Variants in GABRG3 observed in about 807,000 individuals in gnomAD.
GABRG3 encodes the protein gamma-aminobutyric acid type A receptor subunit gamma3.
In GABRG3, 25 loss-of-function variants were observed where a neutral mutation model predicts 48.8. That is an observed-to-expected ratio of 0.51 (90% confidence interval 0.37 to 0.72). The LOEUF (loss-of-function observed/expected upper bound fraction) is 0.72, where lower values mean the gene tolerates loss of function less well. GABRG3 is among the 30% of genes least tolerant of loss of function. The probability of loss-of-function intolerance (pLI) is 0.00; values close to 1 mark genes in which losing one functional copy is unlikely to be tolerated. For missense variants in GABRG3, 394 were observed against 577.9 expected (o/e 0.68, Z 3.26); for synonymous variants, 227 against 217.6 (o/e 1.04, Z -0.38).
intron 5 of GABRG3, among the ~76,000 whole-genome samples, chr15:27,423,659 C>T (rs1315204979): frequency 6.7e-6 from 1 of 149,736 alleles, no homozygotes; most frequent in Non-Finnish European, 1.5e-5. Flanking sequence ...GATTCTCCCA[C>T]TTCAGCCTCC....
chr15:27,165,082 GA>G (rs530237993), intron 3 of GABRG3, among the ~76,000 whole-genome samples: 2 of 151,980 alleles, frequency 1.3e-5, no homozygotes, highest in East Asian at 1.9e-4. Context: ...AGTGAAATTT[GA>G]AAAAAATATA....
rs138678473 is a variant in GABRG3 at position 27,168,676 on chromosome 15, G to A, written c.270+141855G>A. On this transcript the variant is annotated intron_variant, in intron 3 of 9. Transcript: ENST00000615808. The stretch of plus-strand genomic sequence containing the variant: ...TTATTTCCCTCAAAAAGAAACTTCA[G>A]AAAGACATCTTATCCCTTCCACTGT... Among the ~76,000 whole-genome samples, 51 of 152,322 alleles carry A rather than the reference G, an allele frequency of 3.3e-4. No homozygotes were observed. The East Asian group carries it at 7.0e-3, about 21-fold the overall frequency.
chr15:27,015,783 A>G (rs1895768347), intron 2 of GABRG3, among the ~76,000 whole-genome samples: 1 of 152,180 alleles, frequency 6.6e-6, no homozygotes, highest in South Asian at 2.1e-4. Flanking sequence ...ATTACATGAA[A>G]TATAACAATC....
In GABRG3 at chr15:27,469,516, T is replaced by G. The variant is rs146035505; in HGVS notation, c.575-11134T>G. Among the ~76,000 whole-genome samples, 736 of 152,200 alleles carry G rather than the reference T, an allele frequency of 4.8e-3. 6 individuals are homozygous for G. Among genetic ancestry groups the G allele is most frequent in the African/African-American group, 0.016 (673 of 41,522 alleles). On this transcript the variant is annotated intron_variant, in intron 5 of 9. Coordinates refer to ENST00000615808, the MANE Select transcript of GABRG3 (RefSeq NM_033223.5). ...CCACCACACCGGACTAATTTTTGTA[T>G]TTTTAGTAGAGATGTGGTTTTACCA...
At chr15:27,463,158 G>C (rs1414617151) in intron 5 of GABRG3, among the ~76,000 whole-genome samples, 2 of 151,940 alleles carry the variant, frequency 1.3e-5, no homozygotes, top group Non-Finnish European at 2.9e-5. Context: ...GATTTTATTT[G>C]AATTACAAAC....
Position 27,027,663 on chromosome 15 carries a change from G to C in GABRG3, c.270+842G>C, listed in dbSNP as rs550785940. 2.0e-5 allele frequency among the ~76,000 whole-genome samples: 3 copies of C among 152,234 alleles called. No individual in the cohort carries two copies. The South Asian group carries it at 6.2e-4, about 32-fold the overall frequency. ...TGGTGATATAAGGGTTCCATGCAGG[G>C]GTAAAGTTATATTTGTGGGTGATTC... is the stretch of plus-strand genomic sequence containing the variant. On this transcript the variant is annotated intron_variant, in intron 3 of 9. Transcript: ENST00000615808.
At chr15:27,190,050 C>T (rs1029476117) in intron 3 of GABRG3, among the ~76,000 whole-genome samples, 1 of 152,140 alleles carries the variant, frequency 6.6e-6, no homozygotes, top group Non-Finnish European at 1.5e-5. Flanking sequence ...GTATATTGAA[C>T]CAGCCTTGCA....
At chr15:27,461,371 G>A (rs921582856) in intron 5 of GABRG3, among the ~76,000 whole-genome samples, 2 of 152,096 alleles carry the variant, frequency 1.3e-5, no homozygotes, top group African/African-American at 2.4e-5. Flanking sequence ...GCTGCATTCC[G>A]TGCCATTGTG....
intron 5 of GABRG3, among the ~76,000 whole-genome samples, chr15:27,453,938 C>T (rs1889186025): frequency 6.6e-6 from 1 of 152,164 alleles, no homozygotes; most frequent in Admixed American, 6.5e-5. Context: ...CCTTGTCCAG[C>T]ATTCCCATTG....
chr15:27,274,244 A>C (rs1442090239), intron 3 of GABRG3, among the ~76,000 whole-genome samples: 1 of 152,042 alleles, frequency 6.6e-6, no homozygotes, highest in Non-Finnish European at 1.5e-5. Context: ...CTACCCAAAG[A>C]CTGTGGTATT....
At chr15:27,527,379 G>T (rs576009445) in intron 7 of GABRG3, 54 bp from the exon 8 acceptor site, 2 of 1,548,900 alleles carry the variant, frequency 1.3e-6, no homozygotes, top group African/African-American at 1.4e-5. Context: ...GACCGTCTGG[G>T]ATTCCTGTTG....
rs1436105693 is a variant in GABRG3, at chr15:26,974,946, T to C, written c.54-2056T>C. On this transcript the variant is annotated intron_variant, in intron 1 of 9. Coordinates refer to ENST00000615808, the MANE Select transcript of GABRG3 (RefSeq NM_033223.5). This position sits in a 1 kb window ranked among gnomAD's most constrained non-coding sequence, Gnocchi z 4.3. ...TGGAGTGCAGTGACACTATCTCGGC[T>C]CACTGCAACCTCTGCCTCCTGGGTT... Among the ~76,000 whole-genome samples the C allele has an allele frequency of 6.6e-6, 1 of 151,226 alleles. No homozygotes were observed. The highest frequency in any genetic ancestry group is 2.4e-5 in the African/African-American group (1 of 41,234).
At chr15:27,303,753 T>A (rs769508406) in intron 3 of GABRG3, among the ~76,000 whole-genome samples, 1 of 149,226 alleles carries the variant, frequency 6.7e-6, no homozygotes, top group South Asian at 2.1e-4. Context: ...TCCGTGTGTG[T>A]ATATATATAT....
At chr15:27,388,288 GAA>G (rs1896077531) in intron 5 of GABRG3, among the ~76,000 whole-genome samples, 1 of 49,200 alleles carries the variant, frequency 2.0e-5, no homozygotes, top group African/African-American at 9.7e-5. Flanking sequence ...AGGAAGGAAG[GAA>G]GAAAAGAAGG....
chr15:27,139,453 G>T (rs946120449), intron 3 of GABRG3, among the ~76,000 whole-genome samples: 2 of 152,146 alleles, frequency 1.3e-5, no homozygotes, highest in South Asian at 2.1e-4. Context: ...AGGTGATGGG[G>T]ATCATCCTTT....
At chr15:27,516,101 G>T (rs1891012355) in intron 6 of GABRG3, among the ~76,000 whole-genome samples, 1 of 145,190 alleles carries the variant, frequency 6.9e-6, no homozygotes, top group African/African-American at 2.6e-5. Context: ...CAGCCGGTTA[G>T]CATTTTCAGA....
At position 27,540,470 on chromosome 15, in the gene GABRG3, G is replaced by C. The variant is rs1891640371; in HGVS notation, c.*7589G>C. ...CTTTGTTTCCCCCTAACTTATCCTG[G>C]CATTTTTACTTTGAATAGAAATAGT... On this transcript the variant is annotated 3_prime_UTR_variant, in exon 10 of 10. Coordinates refer to ENST00000615808, the MANE Select transcript of GABRG3 (RefSeq NM_033223.5). The C allele has an allele frequency of 6.6e-6, 1 of 152,010 alleles. No individual in the cohort carries two copies. The allele number at this position is 152,010 out of a possible 1,614,324, so 9.4% of individuals were successfully genotyped here.
At position 27,052,583 on chromosome 15, in the gene GABRG3, G is replaced by A. The variant is rs749332068; in HGVS notation, c.270+25762G>A. ...CCCTCCTGCTGCTTCTAAAACACAC[G>A]AAATCTAGTATCAAGACAAACAAAA... is the stretch of plus-strand genomic sequence containing the variant. On this transcript the variant is annotated intron_variant, in intron 3 of 9. Coordinates refer to ENST00000615808, the MANE Select transcript of GABRG3 (RefSeq NM_033223.5). Among the ~76,000 whole-genome samples, 11 of 152,090 alleles carry A rather than the reference G, an allele frequency of 7.2e-5. No homozygotes were observed. In the South Asian group the frequency reaches 8.3e-4, roughly 11 times the overall value.
chr15:27,351,940 GTGTTTATCGTGTGTGTATGGTGTA>G (rs1894626738), intron 5 of GABRG3, among the ~76,000 whole-genome samples: 2 of 147,984 alleles, frequency 1.4e-5, no homozygotes, highest in African/African-American at 5.0e-5. Flanking sequence ...TGTATGGTGT[GTGTTTATCGTGTGTGTATGGTGTA>G]TGTCTGTATA....
Sources: gnomAD v4.1 joint callset for allele counts (sites outside exome capture counted in the v4.1 genomes callset) on GRCh38, gnomAD v4.1.1 for gene constraint, Gnocchi (gnomAD v3.1) non-coding constraint, MANE v1.5 for transcripts, NCBI Gene and HGNC (gene_info 2026-07-23, HGNC 2026-07-21) for gene names.